Variants in RBFOX1 observed in about 807,000 individuals in gnomAD.
RBFOX1 encodes the protein RNA binding fox-1 homolog 1.
Under a neutral mutation model 57.7 loss-of-function variants are expected in RBFOX1, and 8 were observed. The ratio of observed to expected loss-of-function variants is 0.14; its 90% confidence interval spans 0.08 to 0.25. The LOEUF is 0.25. Ranked by LOEUF, RBFOX1 falls within the 10% of genes least tolerant of loss-of-function variation. RBFOX1 has a pLI of 1.00. For synonymous variants in RBFOX1, 326 were observed against 222.4 expected, an observed-to-expected ratio of 1.47 and a Z score of -4.15; for missense variants, 611 against 548.5, an observed-to-expected ratio of 1.11 and a Z score of -1.14.
At chr16:5,575,850 C>CAAAAA (rs55753003) in intron 2 of RBFOX1, among the ~76,000 whole-genome samples, 2 of 150,338 alleles carry the variant, frequency 1.3e-5, no homozygotes, top group Admixed American at 6.6e-5. Flanking sequence ...TTCTCTCATT[C>CAAAAA]AAAAAAAAAA....
intron 3 of RBFOX1, among the ~76,000 whole-genome samples, chr16:6,842,197 C>G (rs1047273359): frequency 3.3e-5 from 5 of 151,152 alleles, no homozygotes; most frequent in South Asian, 4.2e-4. Flanking sequence ...TAAATTGGAA[C>G]TGAGTGTTAG....
intron 4 of RBFOX1, among the ~76,000 whole-genome samples, chr16:7,245,351 A>T (rs1343250286): frequency 6.6e-6 from 1 of 152,110 alleles, no homozygotes; most frequent in Non-Finnish European, 1.5e-5. Flanking sequence ...TCCAAGATAC[A>T]TGTACAGGAT....
At chr16:6,367,966 G>T (rs1436877690) in intron 2 of RBFOX1, among the ~76,000 whole-genome samples, 1 of 152,128 alleles carries the variant, frequency 6.6e-6, no homozygotes, top group East Asian at 1.9e-4. Context: ...TGTCAGTATG[G>T]CAGGTAGAAG....
intron 2 of RBFOX1, among the ~76,000 whole-genome samples, chr16:5,508,635 C>T (rs2043462794): frequency 6.6e-6 from 1 of 151,812 alleles, no homozygotes; most frequent in African/African-American, 2.4e-5. Context: ...GGGGGGACTG[C>T]ACAGAGCGAT....
intron 1 of RBFOX1, among the ~76,000 whole-genome samples, chr16:5,271,310 T>C (rs9937612): frequency 0.34 from 52,180 of 151,496 alleles, 8,936 homozygotes; most frequent in African/African-American, 0.41. Context: ...TGAACTATGA[T>C]TGTGACACTG....
At chr16:5,987,007 C>T (rs2060298414) in intron 4 of RBFOX1, among the ~76,000 whole-genome samples, 1 of 152,110 alleles carries the variant, frequency 6.6e-6, no homozygotes, top group African/African-American at 2.4e-5. Flanking sequence ...ATGAACAATC[C>T]AGTTTATTTG....
intron 2 of RBFOX1, among the ~76,000 whole-genome samples, chr16:6,439,419 C>A (rs146138905): frequency 6.6e-6 from 1 of 152,298 alleles, no homozygotes; most frequent in East Asian, 1.9e-4. Context: ...TTACCCCGGG[C>A]TGTGCCTTAG....
chr16:7,607,313 A>G lies in RBFOX1; in HGVS notation c.651A>G (p.Ala217=), dbSNP rs376260367. The G allele has an allele frequency of 8.1e-6, 13 of 1,611,014 alleles. No homozygotes were observed. The highest frequency in any genetic ancestry group is 1.1e-5 in the Non-Finnish European group (13 of 1,179,274). Residue 217 remains alanine (A), a synonymous_variant, in exon 10 of 16, where the codon GCA becomes GCG. Coordinates refer to ENST00000550418, the MANE Select transcript of RBFOX1 (RefSeq NM_018723.4). ...GGAAATTGAATCCAGTTGTGGGTGC[A>G]GTCTACAGTCCCGAATTCTATGCAG... ...NGWKLNPVVG[A]VYSPEFYAGT... is the part of the protein sequence containing the mutation.
chr16:6,621,613 G>T (rs991563719), intron 2 of RBFOX1, among the ~76,000 whole-genome samples: 1 of 152,212 alleles, frequency 6.6e-6, no homozygotes, highest in Non-Finnish European at 1.5e-5. Flanking sequence ...GGACTAGGAA[G>T]TGGGCATATC....
chr16:6,145,225 C>T (rs564760863), intron 1 of RBFOX1, among the ~76,000 whole-genome samples: 1 of 151,970 alleles, frequency 6.6e-6, no homozygotes, highest in South Asian at 2.1e-4. Context: ...TGTGTTGTTC[C>T]CCTCTATGTG....
intron 4 of RBFOX1, among the ~76,000 whole-genome samples, chr16:7,232,032 C>G (rs1603412635): frequency 1.3e-5 from 2 of 151,984 alleles, no homozygotes; most frequent in Admixed American, 6.6e-5. Context: ...TGAATTGTTT[C>G]CTTTTTTTTT....
intron 3 of RBFOX1, among the ~76,000 whole-genome samples, chr16:5,661,613 C>G (rs564647222): frequency 6.6e-6 from 1 of 152,270 alleles, no homozygotes; most frequent in South Asian, 2.1e-4. Context: ...TGTACATACA[C>G]ATTGTGTAAA....
intron 4 of RBFOX1, among the ~76,000 whole-genome samples, chr16:5,894,461 G>A (rs925500883): frequency 1.3e-5 from 2 of 152,050 alleles, no homozygotes; most frequent in South Asian, 4.2e-4. Flanking sequence ...TTTTAGTAGA[G>A]ATAGGGTTTT....
intron 2 of RBFOX1, among the ~76,000 whole-genome samples, chr16:6,387,903 C>T (rs1297919832): frequency 6.6e-6 from 1 of 151,960 alleles, no homozygotes; most frequent in African/African-American, 2.4e-5. Context: ...CACTGTGTAC[C>T]CCAGTCACTA....
chr16:5,817,077 T>C (rs962563116), intron 3 of RBFOX1, among the ~76,000 whole-genome samples: 2 of 152,124 alleles, frequency 1.3e-5, no homozygotes, highest in Admixed American at 1.3e-4. Flanking sequence ...CATATCCCAT[T>C]TTGGGTTCAG....
At chr16:6,311,156 C>T (rs940952513) in intron 1 of RBFOX1, among the ~76,000 whole-genome samples, 1 of 151,688 alleles carries the variant, frequency 6.6e-6, no homozygotes. Context: ...ATTAGCTGGA[C>T]GTTGTGGTGG....
At chr16:5,588,912 C>T (rs1281724515) in intron 2 of RBFOX1, among the ~76,000 whole-genome samples, 2 of 152,108 alleles carry the variant, frequency 1.3e-5, no homozygotes, top group African/African-American at 2.4e-5. Flanking sequence ...ATTGGATGCA[C>T]AGGTGAGAAT....
chr16:6,778,558 T>C (rs949793084), intron 3 of RBFOX1, among the ~76,000 whole-genome samples: 9 of 152,148 alleles, frequency 5.9e-5, no homozygotes, highest in African/African-American at 2.2e-4. Context: ...TTCCCAGTTA[T>C]CTTACATATT....
At chr16:5,425,160 C>G (rs550670847) in intron 1 of RBFOX1, among the ~76,000 whole-genome samples, 1 of 149,396 alleles carries the variant, frequency 6.7e-6, no homozygotes, top group East Asian at 2.0e-4. Flanking sequence ...GGCTGGAGTG[C>G]AGTGGTGCGA....
Sources: gnomAD v4.1 joint callset for allele counts (sites outside exome capture counted in the v4.1 genomes callset) on GRCh38, gnomAD v4.1.1 for gene constraint, MANE v1.5 for transcripts, NCBI Gene and HGNC (gene_info 2026-07-23, HGNC 2026-07-21) for gene names.